The following ITSN1 variants were observed in gnomAD, a reference collection of about 807,000 sequenced individuals.
The protein encoded by ITSN1 is intersectin 1, also known as intersectin-1.
ITSN1 carries 58 observed loss-of-function variants against 239.8 expected under a neutral mutation model. That is an observed-to-expected ratio of 0.24 (90% CI 0.20 to 0.30). The LOEUF (loss-of-function observed/expected upper bound fraction) is 0.30. Ranked by LOEUF, ITSN1 falls within the 10% of genes least tolerant of loss-of-function variation. The pLI is 1.00. For synonymous variants in ITSN1, 780 were observed against 770.8 expected (o/e 1.01, Z -0.20); for missense variants, 1,558 against 2,103.3 (o/e 0.74, Z 5.07).
At chr21:33,790,445 A>G (rs2071031401) in intron 16 of ITSN1, among the ~76,000 whole-genome samples, 1 of 152,106 alleles carries the variant, frequency 6.6e-6, no homozygotes, top group South Asian at 2.1e-4. Flanking sequence ...ATATCAAATT[A>G]TTACATACTC....
intron 29 of ITSN1, among the ~76,000 whole-genome samples, chr21:33,848,058 T>A (rs2075039379): frequency 6.6e-6 from 1 of 152,218 alleles, no homozygotes. Flanking sequence ...GCTGCCGCAC[T>A]GATCCCCTGA....
chr21:33,736,154 A>T (rs1297436809), intron 5 of ITSN1, among the ~76,000 whole-genome samples: 1 of 152,202 alleles, frequency 6.6e-6, no homozygotes. Flanking sequence ...CTAACATCTG[A>T]TTCATGGGGA....
chr21:33,787,209 AT>A (rs1051965054), intron 16 of ITSN1, among the ~76,000 whole-genome samples: 5 of 152,174 alleles, frequency 3.3e-5, no homozygotes, highest in African/African-American at 1.2e-4. Flanking sequence ...ATTTTAGATC[AT>A]TGAATTTGAG....
At chr21:33,870,751 C>T (rs1982567149) in intron 33 of ITSN1, among the ~76,000 whole-genome samples, 1 of 152,124 alleles carries the variant, frequency 6.6e-6, no homozygotes, top group African/African-American at 2.4e-5. Flanking sequence ...CAGGGTGAGA[C>T]CCTGTCTCTA....
intron 24 of ITSN1, among the ~76,000 whole-genome samples, chr21:33,821,769 G>T (rs889488261): frequency 6.6e-6 from 1 of 152,132 alleles, no homozygotes; most frequent in Admixed American, 6.5e-5. Flanking sequence ...TTCAAAATTT[G>T]GATCAATTTT....
chr21:33,729,941 C>T (rs2066066720), intron 4 of ITSN1, among the ~76,000 whole-genome samples: 1 of 152,170 alleles, frequency 6.6e-6, no homozygotes, highest in South Asian at 2.1e-4. Context: ...TTTCCTTTCA[C>T]AGTAGATTTC....
Position 33,797,841 on chromosome 21 carries a change from T to C in ITSN1, c.2182+233T>C, listed in dbSNP as rs1479366806. ...ACGTTACACTGGCATCCACGAGTCC[T>C]CTACGGAGCTAACAAGTGGCGTGAA... On this transcript the variant is annotated intron_variant, in intron 18 of 39. Coordinates refer to ENST00000381318, the MANE Select transcript of ITSN1 (RefSeq NM_003024.3). The surrounding 1 kb of genome is among the most constrained non-coding windows in gnomAD (Gnocchi z 4.9). Among the ~76,000 whole-genome samples, 1 of 152,142 alleles carries C rather than the reference T, an allele frequency of 6.6e-6. No homozygotes were observed. The highest frequency in any genetic ancestry group is 2.4e-5 in the African/African-American group (1 of 41,430).
At chr21:33,862,599 C>A (rs114451788) in intron 31 of ITSN1, among the ~76,000 whole-genome samples, 1 of 152,020 alleles carries the variant, frequency 6.6e-6, no homozygotes, top group African/African-American at 2.4e-5. Context: ...GGCGAGATGG[C>A]GGGAGCAGGG....
rs78631024 is a variant in ITSN1, at chr21:33,741,353, A to C, written c.346+6149A>C. Among the ~76,000 whole-genome samples the C allele has an allele frequency of 2.6e-3, 399 of 152,338 alleles. 1 individual carries two copies. Among genetic ancestry groups the C allele is most frequent in the African/African-American group, 8.9e-3 (368 of 41,580 alleles). ...AAAACACATTAAAAATATAGTTATC[A>C]AATAATCTTAGAAAATTTTGGAATT... On this transcript the variant is annotated intron_variant, in intron 5 of 39. Coordinates refer to ENST00000381318, the MANE Select transcript of ITSN1 (RefSeq NM_003024.3).
chr21:33,858,334 A>T (rs1425155004), intron 30 of ITSN1, among the ~76,000 whole-genome samples: 2 of 152,188 alleles, frequency 1.3e-5, no homozygotes, highest in Admixed American at 6.5e-5. Flanking sequence ...CCCGCTTTTC[A>T]CACCGGTCCA....
In ITSN1 at chr21:33,811,172, C is replaced by G. The variant is rs1197016890; in HGVS notation, c.2517C>G (p.Thr839=). The G allele has an allele frequency of 1.9e-6, 3 of 1,612,806 alleles. No homozygotes were observed. ...LRETPAPLAV[T]SSEPSTTPNN... is the part of the protein sequence containing the mutation. The stretch of plus-strand genomic sequence containing the variant: ...AGACCCCCGCCCCTTTGGCAGTAAC[C>G]TCTTCAGAGCCCTCCACGACCCCTA... Residue 839 remains threonine, a synonymous_variant, in exon 21 of 40, where the codon ACC becomes ACG. Transcript: ENST00000381318.
In ITSN1 at chr21:33,794,463, C is replaced by T; in HGVS notation, c.1947C>T (p.Ala649=). The T allele has an allele frequency of 6.2e-7, 1 of 1,610,390 alleles. No individual in the cohort carries two copies. Among genetic ancestry groups the T allele is most frequent in the Non-Finnish European group, 8.5e-7 (1 of 1,178,858 alleles). The change falls in exon 17 of 40, where the codon GCC becomes GCT. Residue 649 remains alanine, a synonymous_variant. Coordinates refer to ENST00000381318, the MANE Select transcript of ITSN1 (RefSeq NM_003024.3). ...IIELEKQKEE[A]QRRAQERDKQ... ...AATTAGAAAAACAAAAAGAAGAAGCCCAAAGGTGAGTCTTCTTTGGATTGT... is the reference window on the plus strand; with the variant it reads ...AATTAGAAAAACAAAAAGAAGAAGCTCAAAGGTGAGTCTTCTTTGGATTGT...
chr21:33,741,532 T>C lies in ITSN1; in HGVS notation c.346+6328T>C, dbSNP rs568359465. Among the ~76,000 whole-genome samples, 24 of 152,228 alleles carry C rather than the reference T, an allele frequency of 1.6e-4. 1 individual carries two copies. The South Asian group carries it at 5.0e-3, about 32-fold the overall frequency. On this transcript the variant is annotated intron_variant, in intron 5 of 39. Coordinates refer to ENST00000381318, the MANE Select transcript of ITSN1 (RefSeq NM_003024.3). ...TGACTATAATTATAAACTTACTCAG[T>C]AAAGCCCAAGTTAGAATTTTTTTCT... is the stretch of plus-strand genomic sequence containing the variant.
intron 1 of ITSN1, among the ~76,000 whole-genome samples, chr21:33,670,045 G>A (rs1272108932): frequency 6.6e-6 from 1 of 152,128 alleles, no homozygotes; most frequent in African/African-American, 2.4e-5. Context: ...TTCCATTAGA[G>A]CAGTAGTTGT....
chr21:33,722,527 G>T, intron 3 of ITSN1, 61 bp from the exon 4 acceptor site: 5 of 1,513,352 alleles, frequency 3.3e-6, no homozygotes, highest in Non-Finnish European at 4.4e-6. Flanking sequence ...GCTATTACAG[G>T]ATTTCTGTCA....
chr21:33,750,612 G>A (rs2091620382), intron 6 of ITSN1, among the ~76,000 whole-genome samples: 1 of 152,146 alleles, frequency 6.6e-6, no homozygotes, highest in African/African-American at 2.4e-5. Flanking sequence ...GCTGAGAAGA[G>A]CAATTGAAGT....
chr21:33,741,381 A>G (rs1489101628), intron 5 of ITSN1, among the ~76,000 whole-genome samples: 2 of 152,224 alleles, frequency 1.3e-5, no homozygotes, highest in Non-Finnish European at 2.9e-5. Flanking sequence ...TTGGAATTCT[A>G]AAACTGACAA....
intron 10 of ITSN1, among the ~76,000 whole-genome samples, chr21:33,766,358 GTGAATTCCACACATTTCAGT>G (rs1433295031): frequency 6.6e-6 from 1 of 152,226 alleles, no homozygotes; most frequent in Non-Finnish European, 1.5e-5. Context: ...GATCACACTT[GTGAATTCCACACATTTCAGT>G]GGTAACAAAA....
chr21:33,886,146 A>C (rs1985758497), intron 38 of ITSN1, 141 bp from the exon 39 acceptor site: 1 of 631,202 alleles, frequency 1.6e-6, no homozygotes, highest in Admixed American at 3.0e-5. Context: ...CAGGAGGTGG[A>C]GGTTGCAATG....
Sources: gnomAD v4.1 joint callset for allele counts (sites outside exome capture counted in the v4.1 genomes callset) on GRCh38, gnomAD v4.1.1 for gene constraint, Gnocchi (gnomAD v3.1) non-coding constraint, MANE v1.5 for transcripts, NCBI Gene and HGNC (gene_info 2026-07-23, HGNC 2026-07-21) for gene names.